The following ABI3BP variants were observed in gnomAD, a reference collection of about 807,000 sequenced individuals.
The protein encoded by ABI3BP is target of Nesh-SH3.
Under a neutral mutation model 268.6 loss-of-function variants are expected in ABI3BP, and 216 were observed. The observed-to-expected ratio is 0.80, with a 90% CI of 0.72 to 0.90. The LOEUF (loss-of-function observed/expected upper bound fraction) is 0.90, where lower values mean the gene tolerates loss of function less well. Among genes scored for constraint, ABI3BP ranks in the 40% least tolerant of loss-of-function variants. The pLI is 0.00. For missense variants in ABI3BP, 2,090 were observed against 2,182.4 expected, an observed-to-expected ratio of 0.96 and a Z score of 0.84; for synonymous variants, 730 against 730.0, an observed-to-expected ratio of 1.00 and a Z score of 0.00.
At chr3:100,941,757 C>T (rs1042460185) in intron 1 of ABI3BP, among the ~76,000 whole-genome samples, 2 of 152,090 alleles carry the variant, frequency 1.3e-5, no homozygotes, top group African/African-American at 4.8e-5. Flanking sequence ...ACTTTGTAAC[C>T]CAACCAACAG....
chr3:100,918,142 AT>A (rs959071896), intron 2 of ABI3BP, among the ~76,000 whole-genome samples: 1 of 152,190 alleles, frequency 6.6e-6, no homozygotes, highest in African/African-American at 2.4e-5. Context: ...TGGTAAATCT[AT>A]TTCCAAAGAA....
At chr3:100,976,286 T>C (rs1167399027) in intron 1 of ABI3BP, among the ~76,000 whole-genome samples, 1 of 152,168 alleles carries the variant, frequency 6.6e-6, no homozygotes, top group Non-Finnish European at 1.5e-5. Context: ...AGAGGGTGCA[T>C]ATAAAATATT....
At chr3:100,917,890 T>C (rs1266842456) in intron 2 of ABI3BP, among the ~76,000 whole-genome samples, 7 of 152,214 alleles carry the variant, frequency 4.6e-5, no homozygotes, top group Non-Finnish European at 1.0e-4. Flanking sequence ...GAAATGGTCA[T>C]CTCTTATCAT....
chr3:100,777,005 C>A (rs568389561), intron 59 of ABI3BP, among the ~76,000 whole-genome samples: 277 of 152,246 alleles, frequency 1.8e-3, no homozygotes, highest in Non-Finnish European at 3.3e-3. Flanking sequence ...ATGGGGAAAC[C>A]CGGTCTCCTA....
chr3:100,758,939 G>A (rs1347991732), intron 63 of ABI3BP, among the ~76,000 whole-genome samples: 2 of 152,164 alleles, frequency 1.3e-5, no homozygotes, highest in East Asian at 3.9e-4. Flanking sequence ...ATAACCTTCA[G>A]ATCTGGATGG....
intron 10 of ABI3BP, 56 bp downstream of exon 10, chr3:100,866,823 T>A: frequency 6.8e-7 from 1 of 1,464,964 alleles, no homozygotes. Flanking sequence ...CAGATTAGTA[T>A]TTGAAAAAAA....
At chr3:100,773,382 G>A (rs1285821612) in intron 61 of ABI3BP, among the ~76,000 whole-genome samples, 1 of 152,130 alleles carries the variant, frequency 6.6e-6, no homozygotes, top group African/African-American at 2.4e-5. Context: ...TTATTAAGTG[G>A]TTGCAAATTA....
intron 9 of ABI3BP, among the ~76,000 whole-genome samples, chr3:100,869,231 GA>G (rs2099082932): frequency 1.4e-5 from 2 of 138,446 alleles, no homozygotes; most frequent in East Asian, 2.1e-4. Flanking sequence ...TGTTAATGAA[GA>G]AAGGCAAACT....
intron 1 of ABI3BP, among the ~76,000 whole-genome samples, chr3:100,973,918 G>A (rs1277165261): frequency 6.6e-6 from 1 of 152,144 alleles, no homozygotes; most frequent in East Asian, 1.9e-4. Flanking sequence ...ATTAGTATGA[G>A]TTTCAGCAAA....
intron 1 of ABI3BP, among the ~76,000 whole-genome samples, chr3:100,977,684 C>T (rs1038818085): frequency 6.6e-6 from 1 of 152,136 alleles, no homozygotes; most frequent in South Asian, 2.1e-4. Flanking sequence ...CATATTTTCA[C>T]TTCACTTTTT....
intron 63 of ABI3BP, among the ~76,000 whole-genome samples, chr3:100,761,721 C>T (rs914617245): frequency 2.6e-5 from 4 of 152,170 alleles, no homozygotes; most frequent in African/African-American, 9.7e-5. Context: ...CAAAAGCACT[C>T]TATAGATCTC....
At chr3:100,932,675 A>G (rs1039217185) in intron 1 of ABI3BP, among the ~76,000 whole-genome samples, 1 of 152,074 alleles carries the variant, frequency 6.6e-6, no homozygotes, top group East Asian at 1.9e-4. Flanking sequence ...CAGAATGGCT[A>G]TTATTAAAAA....
rs772402044 is a variant in ABI3BP, at chr3:100,902,610, G to A, written c.328+8C>T. On this transcript the variant is annotated splice_region_variant and intron_variant, in intron 3 of 67. Transcript: ENST00000471714. ...AAAAGAAAAAGAATTCAATGCAAAG[G>A]ACTATACCTGAACATGACTTCTTTT... 1 of 1,613,132 alleles carries A rather than the reference G, an allele frequency of 6.2e-7. No homozygotes were observed.
chr3:100,869,330 G>GTTGTTTTTTTTTTTTTTTTT (rs2099085592), intron 9 of ABI3BP, among the ~76,000 whole-genome samples: 1 of 49,754 alleles, frequency 2.0e-5, no homozygotes, highest in East Asian at 7.7e-4. Flanking sequence ...CTTCTTTTTG[G>GTTGTTTTTTTTTTTTTTTTT]TTTTTTTTTT....
chr3:100,771,048 ATAT>A, intron 61 of ABI3BP, 96 bp from the exon 62 acceptor site: 1 of 1,121,262 alleles, frequency 8.9e-7, no homozygotes, highest in Non-Finnish European at 1.2e-6. Flanking sequence ...ATTTGGTCTC[ATAT>A]TATAAGCGGA....
At chr3:100,843,416 G>A (rs2098729890) in intron 20 of ABI3BP, among the ~76,000 whole-genome samples, 1 of 150,802 alleles carries the variant, frequency 6.6e-6, no homozygotes, top group Non-Finnish European at 1.5e-5. Context: ...GTGTGTGTGT[G>A]TGTGTGAGTG....
intron 2 of ABI3BP, among the ~76,000 whole-genome samples, chr3:100,912,735 C>T (rs2252229): frequency 0.6 from 90,690 of 152,102 alleles, 27,964 homozygotes; most frequent in East Asian, 0.91. Context: ...CAACACTAAG[C>T]CTGAGTAACG....
intron 3 of ABI3BP, among the ~76,000 whole-genome samples, chr3:100,900,437 A>G (rs1167035363): frequency 1.3e-5 from 2 of 152,240 alleles, no homozygotes; most frequent in Non-Finnish European, 2.9e-5. Flanking sequence ...CATTAAGAGC[A>G]AAGTCAAAAC....
At chr3:100,827,290 G>T (rs933284136) in intron 34 of ABI3BP, among the ~76,000 whole-genome samples, 2 of 152,114 alleles carry the variant, frequency 1.3e-5, no homozygotes, top group African/African-American at 4.8e-5. Context: ...GGAAGATCCT[G>T]CAGGTCTCTT....
Sources: allele counts gnomAD v4.1 joint callset (sites outside exome capture counted in the v4.1 genomes callset), GRCh38; gene constraint gnomAD v4.1.1; transcripts MANE v1.5; gene names NCBI Gene and HGNC (gene_info 2026-07-23, HGNC 2026-07-21).